The following PTCH2 variants were observed in gnomAD, a reference collection of about 807,000 sequenced individuals.
PTCH2 encodes the protein protein patched homolog 2.
Under a neutral mutation model 117.9 loss-of-function variants are expected in PTCH2, and 96 were observed. The observed-to-expected ratio is 0.81, with a 90% CI of 0.69 to 0.96. The LOEUF is 0.96. Among genes scored for constraint, PTCH2 ranks in the 50% least tolerant of loss-of-function variants. PTCH2 has a pLI of 0.00. For missense variants in PTCH2, 1,379 were observed against 1,562.5 expected (o/e 0.88, Z 1.98); for synonymous variants, 615 against 660.9 (o/e 0.93, Z 1.06).
In PTCH2 at chr1:44,823,886, C is replaced by G. The variant is rs768225027; in HGVS notation, c.3115-501G>C. ...CCAGGAGGTGGAGGTTGCAGTGAAC[C>G]GAGATTGCACTGCTACACTCCAGCC... On this transcript the variant is annotated intron_variant, in intron 19 of 21. Transcript: ENST00000372192. The surrounding 1 kb of genome is among the most constrained non-coding windows in gnomAD (Gnocchi z 5.1). 6.6e-6 allele frequency among the ~76,000 whole-genome samples: 1 copy of G among 151,136 alleles called. No individual in the cohort carries two copies. Among genetic ancestry groups the G allele is most frequent in the African/African-American group, 2.4e-5 (1 of 40,926 alleles).
At position 44,829,613 on chromosome 1, in the gene PTCH2, C is replaced by T. The variant is rs753662272; in HGVS notation, c.1083+1G>A. 1.9e-6 allele frequency: 3 copies of T among 1,614,178 alleles called. No homozygotes were observed. The highest frequency in any genetic ancestry group is 2.5e-6 in the Non-Finnish European group (3 of 1,180,038). On this transcript the variant is annotated splice_donor_variant, in intron 8 of 21. Transcript: ENST00000372192. LOFTEE classifies it high-confidence loss of function. ...CCCCCCTTGTCCTTGTCCATACCGACCTGCACAAAGCGCCGCTGCCAGGCT... is the reference window on the plus strand; with the variant it reads ...CCCCCCTTGTCCTTGTCCATACCGATCTGCACAAAGCGCCGCTGCCAGGCT...
intron 2 of PTCH2, among the ~76,000 whole-genome samples, chr1:44,839,248 G>A (rs1381162612): frequency 5.3e-5 from 8 of 151,204 alleles, no homozygotes; most frequent in African/African-American, 1.2e-4. Flanking sequence ...GGTGGCGCAT[G>A]CCTATAGTGT....
At position 44,829,226 on chromosome 1, in the gene PTCH2, G is replaced by A. The variant is rs757604900; in HGVS notation, c.1302C>T (p.Ala434=). The A allele has an allele frequency of 6.2e-7, 1 of 1,613,482 alleles. No individual in the cohort carries two copies. The highest frequency in any genetic ancestry group is 8.5e-7 in the Non-Finnish European group (1 of 1,180,038). The change falls in exon 10 of 22, where the codon GCC becomes GCT. Residue 434 remains alanine, a synonymous_variant. Coordinates refer to ENST00000372192, the MANE Select transcript of PTCH2 (RefSeq NM_003738.5). ...GCCCAAGGCCTGAGGCCACCGCCAG[G>A]GCCACCAGCAGTACCCCGGCAAGGC... is the stretch of plus-strand genomic sequence containing the variant. ...SVGLAGVLLV[A]LAVASGLGLC... is the part of the protein sequence containing the mutation.
In PTCH2 at chr1:44,834,502, G is replaced by A. The variant is rs143584864; in HGVS notation, c.266-2161C>T. Among the ~76,000 whole-genome samples, 364 of 152,276 alleles carry A rather than the reference G, an allele frequency of 2.4e-3. 2 individuals carry two copies. Among genetic ancestry groups the A allele is most frequent in the African/African-American group, 8.3e-3 (346 of 41,558 alleles). On this transcript the variant is annotated intron_variant, in intron 2 of 21. Transcript: ENST00000372192. ...GTGTTTATTTCACCAAGATTAGGCC[G>A]AAGGCTGCCGCATGGAAGGGAAGAA...
intron 11 of PTCH2, 26 bp from the exon 12 acceptor site, chr1:44,828,657 C>T (rs1230682879): frequency 6.2e-7 from 1 of 1,606,524 alleles, no homozygotes; most frequent in East Asian, 2.2e-5. Context: ...GGGGACCTGC[C>T]CTCAGGTCAC....
Position 44,842,992 on chromosome 1 carries a change from GC to G in PTCH2, c.-61del. 6.1e-6 allele frequency: 9 copies of G among 1,478,680 alleles called. No individual in the cohort carries two copies. The highest frequency in any genetic ancestry group is 8.0e-6 in the Non-Finnish European group (9 of 1,118,676). 91.6% of individuals were successfully genotyped at this position (1,478,680 alleles called of 1,614,324 possible). On this transcript the variant is annotated 5_prime_UTR_variant, in exon 1 of 22. Transcript: ENST00000372192. The stretch of plus-strand genomic sequence containing the variant: ...CCGCGTTATCTGGGCGCTCCCATAG[GC>G]TAGCCCGGTCTCCCGGTACCGCTGG...
chr1:44,830,710 A>T, intron 6 of PTCH2, 138 bp downstream of exon 6: 1 of 801,050 alleles, frequency 1.2e-6, no homozygotes, highest in Non-Finnish European at 1.8e-6. Flanking sequence ...GGGGCCTGGC[A>T]CTGTGGGAGC....
In PTCH2 at chr1:44,828,106, T is replaced by C. The variant is rs772410114; in HGVS notation, c.1795A>G (p.Thr599Ala). The change falls in exon 14 of 22, where the codon ACA becomes GCA. Residue 599 changes from threonine to alanine, a missense_variant. Coordinates refer to ENST00000372192, the MANE Select transcript of PTCH2 (RefSeq NM_003738.5). Reference sequence around the variant, plus strand: ...TCACAGTGGGTAAAGGCTTGAACTGTGGCAGTGAGGTGGGCAATGCCCACT... The same window carrying C: ...TCACAGTGGGTAAAGGCTTGAACTGCGGCAGTGAGGTGGGCAATGCCCACT... ...VPVGIAHLTATVQAFTHCEAS... is the reference protein window; with the variant it reads ...VPVGIAHLTAAVQAFTHCEAS... 1.9e-6 allele frequency: 3 copies of C among 1,614,094 alleles called. No homozygotes were observed. The highest frequency in any genetic ancestry group is 1.7e-5 in the Admixed American group (1 of 60,030).
At position 44,830,722 on chromosome 1, in the gene PTCH2, G is replaced by C. The variant is rs1318269383; in HGVS notation, c.813+126C>G. On this transcript the variant is annotated intron_variant, in intron 6 of 21. Transcript: ENST00000372192. ...TTGGGGGCCTGGCACTGTGGGAGCA[G>C]GGTAATAATGGCCAGGAAGTGGGGG... 4 of 951,156 alleles carry C rather than the reference G, an allele frequency of 4.2e-6. No homozygotes were observed. The African/African-American group carries it at 6.6e-5, about 16-fold the overall frequency. The allele number at this position is 951,156 out of a possible 1,614,324, so 58.9% of individuals were successfully genotyped here.
chr1:44,834,080 AACAGTCTTCC>A (rs1194037379), intron 2 of PTCH2, among the ~76,000 whole-genome samples: 1 of 150,868 alleles, frequency 6.6e-6, no homozygotes, highest in African/African-American at 2.4e-5. Context: ...ACCTCATGAA[AACAGTCTTCC>A]TGTCCTGCTC....
intron 2 of PTCH2, among the ~76,000 whole-genome samples, chr1:44,838,036 C>T (rs916057522): frequency 2.7e-5 from 4 of 147,758 alleles, no homozygotes; most frequent in African/African-American, 1.0e-4. Flanking sequence ...GAGCTAAGAT[C>T]GCACCTCTGC....
At chr1:44,828,678 C>T in intron 11 of PTCH2, 47 bp from the exon 12 acceptor site, 1 of 1,593,378 alleles carries the variant, frequency 6.3e-7, no homozygotes. Context: ...AAGGGAGGGG[C>T]CGTGTCAAAG....
rs12057534 is a variant in PTCH2 at position 44,826,004 on chromosome 1, C to A, written c.3114+246G>T. On this transcript the variant is annotated intron_variant, in intron 19 of 21. Coordinates refer to ENST00000372192, the MANE Select transcript of PTCH2 (RefSeq NM_003738.5). The surrounding 1 kb of genome is among the most constrained non-coding windows in gnomAD (Gnocchi z 5.1). ...GGATTACTGGCATGTGCCACCACGC[C>A]TGGCTAATTTTTTGTATTTTTAGTA... Among the ~76,000 whole-genome samples, 10,869 of 152,078 alleles carry A rather than the reference C, an allele frequency of 0.071. 1,327 individuals are homozygous for A. The highest frequency in any genetic ancestry group is 0.25 in the African/African-American group (10,307 of 41,408).
rs201198043 is a variant in PTCH2, at chr1:44,832,172, G to A, written c.435C>T (p.Val145=). The A allele has an allele frequency of 7.4e-6, 12 of 1,614,158 alleles. No individual in the cohort carries two copies. The South Asian group carries it at 9.9e-5, about 13-fold the overall frequency. ...HLQAALTASK[V]QVSLYGKSWD... ...CTCACTTCCCATAGAGTGATACTTG[G>A]ACTTTACTGGCAGTGAGGGCTGCCT... Residue 145 remains valine, a synonymous_variant, in exon 3 of 22, where the codon GTC becomes GTT. Transcript: ENST00000372192.
downstream of PTCH2, chr1:44,821,695 C>T (rs1288823912): frequency 2.1e-5 from 23 of 1,100,618 alleles, no homozygotes; most frequent in Non-Finnish European, 2.5e-5. Context: ...TGCTCTCGGT[C>T]TCCAGATTGA....
chr1:44,820,107 A>G (rs527352099), downstream of PTCH2: 8 of 324,408 alleles, frequency 2.5e-5, no homozygotes, highest in East Asian at 6.9e-4. Context: ...ATGCACACAG[A>G]TGCGTGTAAG....
At position 44,823,020 on chromosome 1, in the gene PTCH2, C is replaced by G. The variant is rs375728501; in HGVS notation, c.3357+49G>C. ...TGTCCCTTCCCTTGCCTCTCCCTAC[C>G]CCGTCCCTTGGGCTGGGAGTAGAGG... On this transcript the variant is annotated intron_variant, in intron 21 of 21. Coordinates refer to ENST00000372192, the MANE Select transcript of PTCH2 (RefSeq NM_003738.5). This position sits in a 1 kb window ranked among gnomAD's most constrained non-coding sequence, Gnocchi z 5.1. The G allele has an allele frequency of 1.3e-6, 2 of 1,577,354 alleles. No individual in the cohort carries two copies. The highest frequency in any genetic ancestry group is 1.7e-6 in the Non-Finnish European group (2 of 1,157,386).
In PTCH2 at chr1:44,831,128, C is replaced by T. The variant is rs1653427650; in HGVS notation, c.618-85G>A. The T allele has an allele frequency of 7.5e-7, 1 of 1,329,910 alleles. No individual in the cohort carries two copies. Among genetic ancestry groups the T allele is most frequent in the Non-Finnish European group, 1.0e-6 (1 of 954,616 alleles). The allele number at this position is 1,329,910 out of a possible 1,614,324, so 82.4% of individuals were successfully genotyped here. A position where few individuals can be genotyped will look rare whatever the true frequency, so the allele number is the denominator to read the frequency against. ...TGCTGGGGCGCCATGCTGTACCCCA[C>T]CCTCCTCTTATCTGCCGATTTGTCC... On this transcript the variant is annotated intron_variant, in intron 5 of 21. Coordinates refer to ENST00000372192, the MANE Select transcript of PTCH2 (RefSeq NM_003738.5). The surrounding 1 kb of genome is among the most constrained non-coding windows in gnomAD (Gnocchi z 4.3).
At position 44,843,030 on chromosome 1, in the gene PTCH2, G is replaced by A. The variant is rs1253479696; in HGVS notation, c.-98C>T. On this transcript the variant is annotated 5_prime_UTR_variant, in exon 1 of 22. Transcript: ENST00000372192. ...CCCGGTACCGCTGGGCCCCGCGTAG[G>A]GATTCAGTGGGGCCGCCAAGGCGCG... The A allele has an allele frequency of 2.8e-6, 4 of 1,436,064 alleles. No homozygotes were observed. The highest frequency in any genetic ancestry group is 3.6e-6 in the Non-Finnish European group (4 of 1,099,346). 89.0% of individuals were successfully genotyped at this position (1,436,064 alleles called of 1,614,324 possible).
Sources: gnomAD v4.1 joint callset for allele counts (sites outside exome capture counted in the v4.1 genomes callset) on GRCh38, gnomAD v4.1.1 for gene constraint, Gnocchi (gnomAD v3.1) non-coding constraint, MANE v1.5 for transcripts, NCBI Gene and HGNC (gene_info 2026-07-23, HGNC 2026-07-21) for gene names.